The following ZC3H12B variants were observed in gnomAD, a reference collection of about 807,000 sequenced individuals.
ZC3H12B encodes zinc finger CCCH-type containing 12B, also known as probable ribonuclease ZC3H12B.
A neutral mutation model predicts 43.9 loss-of-function variants in ZC3H12B; 7 were observed. The ratio of observed to expected loss-of-function variants is 0.16; its 90% CI spans 0.09 to 0.30. The LOEUF (loss-of-function observed/expected upper bound fraction) is 0.30, where lower values mean the gene tolerates loss of function less well. Among genes scored for constraint, ZC3H12B ranks in the 10% least tolerant of loss-of-function variants. The pLI is 1.00. For synonymous variants in ZC3H12B, 222 were observed against 241.7 expected (o/e 0.92, Z 0.76); for missense variants, 475 against 670.2 (o/e 0.71, Z 3.22).
chrX:65,057,997 A>G, the ZC3H12B span, among the ~76,000 whole-genome samples: 2 of 111,247 alleles, frequency 1.8e-5, no homozygotes, highest in South Asian at 7.6e-4. Flanking sequence ...ATATTTTTTC[A>G]AGGTTTTTAG....
chrX:65,380,929 A>T (rs367957867), intron 2 of ZC3H12B, among the ~76,000 whole-genome samples: 1 of 111,660 alleles, frequency 9.0e-6, no homozygotes, highest in Admixed American at 9.5e-5. Flanking sequence ...ATGCACCCAA[A>T]ACAGGAGCAC....
chrX:65,346,780 G>C, the ZC3H12B span, among the ~76,000 whole-genome samples: 1 of 112,217 alleles, frequency 8.9e-6, no homozygotes. Flanking sequence ...GGGCATCTCT[G>C]AAAAAAAGGC....
At chrX:65,499,120 T>C in exon 3 of ZC3H12B, 1 of 1,211,498 alleles carries the variant, frequency 8.3e-7, no homozygotes. Flanking sequence ...TGGCTTTTGA[T>C]TCTGATGGCA....
intron 3 of ZC3H12B, among the ~76,000 whole-genome samples, chrX:65,464,451 C>T (rs1240713645): frequency 1.8e-5 from 2 of 110,802 alleles, no homozygotes; most frequent in African/African-American, 6.6e-5. Context: ...ATTTTTATTT[C>T]TGTAAGTTCA....
the ZC3H12B span, among the ~76,000 whole-genome samples, chrX:65,132,759 G>T: frequency 9.0e-6 from 1 of 111,446 alleles, no homozygotes; most frequent in Admixed American, 9.5e-5. Context: ...AAGGGAAACA[G>T]GCCCTTGAAA....
the ZC3H12B span, among the ~76,000 whole-genome samples, chrX:65,262,429 A>G: frequency 9.0e-6 from 1 of 110,920 alleles, no homozygotes; most frequent in African/African-American, 3.3e-5. Flanking sequence ...TATGATTTCA[A>G]TGGTTCTCTA....
At chrX:65,055,348 T>G in the ZC3H12B span, among the ~76,000 whole-genome samples, 5 of 111,970 alleles carry the variant, frequency 4.5e-5, no homozygotes, top group African/African-American at 1.6e-4. Flanking sequence ...GATAATCATG[T>G]GGTTTTTGTC....
chrX:65,282,253 C>T, the ZC3H12B span, among the ~76,000 whole-genome samples: 1 of 110,263 alleles, frequency 9.1e-6, no homozygotes, highest in Non-Finnish European at 1.9e-5. Flanking sequence ...AGTTCAAAGA[C>T]AGCCTGGGCA....
the ZC3H12B span, among the ~76,000 whole-genome samples, chrX:65,044,631 G>A: frequency 9.0e-6 from 1 of 111,113 alleles, no homozygotes; most frequent in African/African-American, 3.3e-5. Flanking sequence ...CAGTAACCCA[G>A]GCGAGAGAAA....
the ZC3H12B span, among the ~76,000 whole-genome samples, chrX:65,222,998 A>G: frequency 8.9e-6 from 1 of 112,157 alleles, no homozygotes; most frequent in East Asian, 2.8e-4. Flanking sequence ...GTATAAGGTT[A>G]TAGTCACCAA....
At chrX:65,184,891 A>G in the ZC3H12B span, 2 of 111,683 alleles carry the variant, frequency 1.8e-5, 1 homozygote, top group South Asian at 7.5e-4. Flanking sequence ...CCTAATAATT[A>G]TACATATTTA....
intron 2 of ZC3H12B, among the ~76,000 whole-genome samples, chrX:65,392,979 C>T (rs1300792906): frequency 2.7e-5 from 3 of 111,891 alleles, no homozygotes; most frequent in South Asian, 7.5e-4. Flanking sequence ...TGTGCTATGT[C>T]AACTCAGGGT....
At chrX:65,400,688 G>C (rs1171701151) in intron 3 of ZC3H12B, among the ~76,000 whole-genome samples, 2 of 111,753 alleles carry the variant, frequency 1.8e-5, no homozygotes, top group African/African-American at 6.5e-5. Context: ...TAAAAGTGAA[G>C]TCCACAGTCA....
At chrX:65,363,006 G>A (rs1368449783), upstream of ZC3H12B, among the ~76,000 whole-genome samples, 1 of 110,699 alleles carries the variant, frequency 9.0e-6, no homozygotes, top group Admixed American at 9.6e-5. Context: ...CTTCATCCCA[G>A]ACTCTCTTCG....
the ZC3H12B span, among the ~76,000 whole-genome samples, chrX:65,063,621 C>CT: frequency 3.6e-5 from 4 of 111,623 alleles, no homozygotes; most frequent in Admixed American, 3.8e-4. Context: ...CTGAAATTTT[C>CT]TTTTTTTGTT....
chrX:65,194,410 A>G, the ZC3H12B span, among the ~76,000 whole-genome samples: 13 of 110,399 alleles, frequency 1.2e-4, no homozygotes, highest in Admixed American at 7.7e-4. Flanking sequence ...TAAAATAAAA[A>G]AATAAAAATT....
intron 3 of ZC3H12B, among the ~76,000 whole-genome samples, chrX:65,472,062 T>C (rs1204310069): frequency 9.0e-6 from 1 of 111,707 alleles, no homozygotes; most frequent in Non-Finnish European, 1.9e-5. Flanking sequence ...TTCTCCTTCA[T>C]TTATGAAACT....
chrX:65,312,717 G>T, the ZC3H12B span, among the ~76,000 whole-genome samples: 1 of 111,649 alleles, frequency 9.0e-6, no homozygotes, highest in Non-Finnish European at 1.9e-5. Context: ...TCATTTCCCA[G>T]TTTAAAATGA....
intron 3 of ZC3H12B, chrX:65,408,051 C>G (rs1164454851): frequency 1.7e-6 from 2 of 1,162,905 alleles, no homozygotes; most frequent in African/African-American, 1.8e-5. Context: ...ATTGAGTTGC[C>G]GGGGAACAGA....
Sources: allele counts gnomAD v4.1 joint callset (sites outside exome capture counted in the v4.1 genomes callset), GRCh38; gene constraint gnomAD v4.1.1; transcripts MANE v1.5; gene names NCBI Gene and HGNC (gene_info 2026-07-23, HGNC 2026-07-21).